Variants in CREB3L3 observed in about 807,000 individuals in gnomAD.
CREB3L3 encodes the protein cAMP responsive element binding protein 3 like 3, also known as cyclic AMP-responsive element-binding protein 3-like protein 3.
A neutral mutation model predicts 44.6 loss-of-function variants in CREB3L3; 40 were observed. The ratio of observed to expected loss-of-function variants is 0.90; its 90% confidence interval spans 0.70 to 1.17. The LOEUF (loss-of-function observed/expected upper bound fraction) is 1.17. CREB3L3 is among the 50% of genes most tolerant of loss of function. CREB3L3 has a pLI of 0.00. For missense variants in CREB3L3, 578 were observed against 595.8 expected (o/e 0.97, Z 0.31); for synonymous variants, 273 against 256.3 (o/e 1.06, Z -0.62).
intron 5 of CREB3L3, among the ~76,000 whole-genome samples, chr19:4,165,063 G>T (rs2041708156): frequency 6.6e-6 from 1 of 152,200 alleles, no homozygotes; most frequent in African/African-American, 2.4e-5. Flanking sequence ...TCTGTCACCA[G>T]AGCCAAAACA....
At position 4,164,574 on chromosome 19, in the gene CREB3L3, C is replaced by A; in HGVS notation, c.648C>A (p.Thr216=). 6.2e-7 allele frequency: 1 copy of A among 1,614,106 alleles called. No homozygotes were observed. The highest frequency in any genetic ancestry group is 8.5e-7 in the Non-Finnish European group (1 of 1,180,016). The change falls in exon 5 of 10, where the codon ACC becomes ACA. Residue 216 remains threonine, a synonymous_variant. Coordinates refer to ENST00000078445, the MANE Select transcript of CREB3L3 (RefSeq NM_032607.3). ...GGCACTGTCAGGAGCTGGTGCTCAC[C>A]GAGGATGAGAAGAAGCTGCTGGCTA... ...GAGHCQELVL[T]EDEKKLLAKE...
intron 6 of CREB3L3, 83 bp downstream of exon 6, chr19:4,168,540 C>T: frequency 9.0e-7 from 1 of 1,108,156 alleles, no homozygotes; most frequent in Middle Eastern, 2.0e-4. Flanking sequence ...GGCCACACAG[C>T]TTAGAGTCTG....
chr19:4,161,053 A>T (rs2041655748), intron 4 of CREB3L3, among the ~76,000 whole-genome samples: 1 of 152,026 alleles, frequency 6.6e-6, no homozygotes, highest in African/African-American at 2.4e-5. Context: ...CTGGGACTAC[A>T]GGCGCCCGCC....
chr19:4,167,572 G>A (rs561672986), intron 5 of CREB3L3, among the ~76,000 whole-genome samples: 4 of 150,630 alleles, frequency 2.7e-5, no homozygotes, highest in East Asian at 1.9e-4. Flanking sequence ...GGAAAAGAAA[G>A]GAAAGAAAAG....
At chr19:4,158,216 G>T (rs2041611259) in intron 3 of CREB3L3, among the ~76,000 whole-genome samples, 1 of 152,086 alleles carries the variant, frequency 6.6e-6, no homozygotes, top group South Asian at 2.1e-4. Flanking sequence ...CTGAGGCTCA[G>T]GCCCGGAGCG....
intron 5 of CREB3L3, among the ~76,000 whole-genome samples, chr19:4,167,352 A>AAGAAAGAGAGAG: frequency 7.7e-6 from 1 of 130,242 alleles, no homozygotes; most frequent in East Asian, 2.3e-4. Context: ...GAAAGAAAGA[A>AAGAAAGAGAGAG]AGAGAGAGAG....
intron 3 of CREB3L3, among the ~76,000 whole-genome samples, chr19:4,157,507 G>C (rs944746476): frequency 3.9e-5 from 6 of 152,114 alleles, no homozygotes; most frequent in African/African-American, 1.4e-4. Context: ...CCATTTTCCA[G>C]ATCGTGAAAC....
Position 4,171,747 on chromosome 19 carries a change from T to A in CREB3L3, c.1164T>A (p.Ala388=). 1.2e-6 allele frequency: 2 copies of A among 1,613,296 alleles called. No homozygotes were observed. The highest frequency in any genetic ancestry group is 1.7e-6 in the Non-Finnish European group (2 of 1,180,002). The change falls in exon 10 of 10, where the codon GCT becomes GCA. Residue 388 remains alanine (A), a synonymous_variant. Transcript: ENST00000078445. This position sits in a 1 kb window ranked among gnomAD's most constrained non-coding sequence, Gnocchi z 4.9. ...AGGCCCCAGGACCCCGACCCGAGGC[T>A]GACACAACCCGAGAAGAGTCTCCAG... ...GSEAPGPRPE[A]DTTREESPGS... is the part of the protein sequence containing the mutation.
Position 4,171,143 on chromosome 19 carries a change from A to G in CREB3L3, c.943A>G (p.Ser315Gly), listed in dbSNP as rs757745971. The change falls in exon 8 of 10, where the codon AGC becomes GGC. Residue 315 changes from serine to glycine, a missense_variant. Physicochemically the swap from Ser to Gly is moderately conservative, Grantham distance 56. Coordinates refer to ENST00000078445, the MANE Select transcript of CREB3L3 (RefSeq NM_032607.3). This position sits in a 1 kb window ranked among gnomAD's most constrained non-coding sequence, Gnocchi z 4.9. ...CCAGGCCATTGTGGTGCAGTCCACCAGCAAGTCAGCCCAGACAGGCACCTG... is the reference window on the plus strand; with the variant it reads ...CCAGGCCATTGTGGTGCAGTCCACCGGCAAGTCAGCCCAGACAGGCACCTG... ...KLQAIVVQST[S>G]KSAQTGTCVA... is the part of the protein sequence containing the mutation. 2 of 1,614,156 alleles carry G rather than the reference A, an allele frequency of 1.2e-6. No homozygotes were observed. Among genetic ancestry groups the G allele is most frequent in the East Asian group, 2.2e-5 (1 of 44,864 alleles).
At chr19:4,158,799 CA>C (rs760741012) in intron 3 of CREB3L3, among the ~76,000 whole-genome samples, 4,142 of 64,324 alleles carry the variant, frequency 0.064, 46 homozygotes, top group South Asian at 0.13. Flanking sequence ...GACTCCGTCT[CA>C]AAAAAAAAAA....
chr19:4,153,645 G>C lies in CREB3L3; in HGVS notation c.-103G>C. 1 of 1,407,188 alleles carries C rather than the reference G, an allele frequency of 7.1e-7. No homozygotes were observed. The allele number at this position is 1,407,188 out of a possible 1,614,324, so 87.2% of individuals were successfully genotyped here. On this transcript the variant is annotated 5_prime_UTR_variant, in exon 1 of 10. Transcript: ENST00000078445. Reference sequence around the variant, plus strand: ...TTGGGAGTGGTGACAGAGCCACAGAGGGCTGTGAGCTTGCCCGGCCCCAGG... The same window carrying C: ...TTGGGAGTGGTGACAGAGCCACAGACGGCTGTGAGCTTGCCCGGCCCCAGG...
At chr19:4,163,945 C>T (rs945242636) in intron 4 of CREB3L3, among the ~76,000 whole-genome samples, 5 of 150,610 alleles carry the variant, frequency 3.3e-5, no homozygotes, top group Non-Finnish European at 7.4e-5. Context: ...GCTGGGATTA[C>T]AGGCGCCGCC....
intron 2 of CREB3L3, among the ~76,000 whole-genome samples, chr19:4,156,502 T>C (rs1273498847): frequency 6.9e-6 from 1 of 145,480 alleles, no homozygotes; most frequent in Non-Finnish European, 1.5e-5. Context: ...GTTTTTCTTT[T>C]TTTCTTTTTT....
intron 7 of CREB3L3, among the ~76,000 whole-genome samples, chr19:4,170,844 G>A (rs1411401677): frequency 6.6e-6 from 1 of 151,962 alleles, no homozygotes; most frequent in Non-Finnish European, 1.5e-5. Context: ...CTGGGAGGCG[G>A]AGCTTGCAGT....
At position 4,171,453 on chromosome 19, in the gene CREB3L3, G is replaced by T. The variant is rs1344488488; in HGVS notation, c.1046G>T (p.Ser349Ile). 3 of 1,614,112 alleles carry T rather than the reference G, an allele frequency of 1.9e-6. No individual in the cohort carries two copies. In the African/African-American group the frequency reaches 4.0e-5, roughly 22 times the overall value. ...ISPFGPNKTE[S>I]PGDFAPVRVF... ...CCTTTTGGCCCCAACAAAACCGAGA[G>T]CCCTGGGGACTTTGCGCCTGTACGA... Residue 349 changes from serine to isoleucine, a missense_variant, in exon 9 of 10, where the codon AGC becomes ATC. Transcript: ENST00000078445. The surrounding 1 kb of genome is among the most constrained non-coding windows in gnomAD (Gnocchi z 4.9).
chr19:4,164,020 C>G (rs530147359), intron 4 of CREB3L3, among the ~76,000 whole-genome samples: 2 of 135,982 alleles, frequency 1.5e-5, no homozygotes, highest in South Asian at 4.8e-4. Context: ...GTCACTAGGG[C>G]TGGAGTGCAG....
chr19:4,171,019 G>T lies in CREB3L3; in HGVS notation c.891-72G>T, dbSNP rs1025249760. 8.6e-7 allele frequency: 1 copy of T among 1,163,644 alleles called. No individual in the cohort carries two copies. The highest frequency in any genetic ancestry group is 1.3e-6 in the Non-Finnish European group (1 of 768,782). The allele number at this position is 1,163,644 out of a possible 1,614,324, so 72.1% of individuals were successfully genotyped here. ...AATTTGGACTTTAGCGGGGCTGGGG[G>T]ACCCCGGAAATGGACGAGAAGCAGA... On this transcript the variant is annotated intron_variant, in intron 7 of 9. Transcript: ENST00000078445. The surrounding 1 kb of genome is among the most constrained non-coding windows in gnomAD (Gnocchi z 4.9).
At position 4,157,071 on chromosome 19, in the gene CREB3L3, C is replaced by G. The variant is rs201595675; in HGVS notation, c.233C>G (p.Pro78Arg). The change falls in exon 3 of 10, where the codon CCA (proline) becomes CGA (arginine). Residue 78 changes from proline (P) to arginine (R), a missense_variant. By Grantham distance (103) the Pro-to-Arg change is moderately radical. Transcript: ENST00000078445. The part of the protein sequence containing the change: ...LGSGDSLPSS[P>R]LWSPEGSDSG... ...TCTGGAGACTCACTGCCCAGCTCCC[C>G]ACTCTGGTCCCCCGAAGGCAGTGAT... 9.9e-6 allele frequency: 16 copies of G among 1,614,120 alleles called. No homozygotes were observed. The Admixed American group carries it at 2.3e-4, about 24-fold the overall frequency.
chr19:4,167,020 C>T (rs1310854192), intron 5 of CREB3L3, among the ~76,000 whole-genome samples: 1 of 152,116 alleles, frequency 6.6e-6, no homozygotes, highest in East Asian at 1.9e-4. Flanking sequence ...CACTGTGAAC[C>T]ACCGCGCCCA....
Sources: allele counts gnomAD v4.1 joint callset (sites outside exome capture counted in the v4.1 genomes callset), GRCh38; gene constraint gnomAD v4.1.1; non-coding constraint Gnocchi (gnomAD v3.1); transcripts MANE v1.5; gene names NCBI Gene and HGNC (gene_info 2026-07-23, HGNC 2026-07-21).